PRKN: variants seen among roughly 807,000 people sequenced by gnomAD.
PRKN encodes E3 ubiquitin-protein ligase parkin.
In PRKN, 56 loss-of-function variants were observed where a neutral mutation model predicts 59.5. The observed-to-expected ratio is 0.94, with a 90% CI of 0.76 to 1.18. The LOEUF (loss-of-function observed/expected upper bound fraction) is 1.18, where lower values mean the gene tolerates loss of function less well. PRKN is among the 50% of genes most tolerant of loss of function. The pLI, the probability that PRKN is intolerant of heterozygous loss-of-function variation, is 0.00. For synonymous variants in PRKN, 250 were observed against 222.1 expected (o/e 1.13, Z -1.12); for missense variants, 657 against 596.4 (o/e 1.10, Z -1.06).
At chr6:161,939,285 G>A (rs1233706090) in intron 6 of PRKN, among the ~76,000 whole-genome samples, 1 of 151,802 alleles carries the variant, frequency 6.6e-6, no homozygotes, top group African/African-American at 2.4e-5. Flanking sequence ...GGATGTGGTG[G>A]TGCATGCCCA....
chr6:162,278,293 G>A (rs1243569164), intron 2 of PRKN, among the ~76,000 whole-genome samples: 1 of 152,146 alleles, frequency 6.6e-6, no homozygotes, highest in Non-Finnish European at 1.5e-5. Flanking sequence ...AGGGATGACG[G>A]AGGGATGAAT....
chr6:162,531,082 A>ACAGGC (rs1226176990), intron 1 of PRKN, among the ~76,000 whole-genome samples: 5 of 149,048 alleles, frequency 3.4e-5, no homozygotes, highest in Non-Finnish European at 5.9e-5. Flanking sequence ...AAAAAAATGT[A>ACAGGC]CAGGCCAGGC....
chr6:161,968,470 T>C (rs1215127586), intron 6 of PRKN, among the ~76,000 whole-genome samples: 1 of 152,116 alleles, frequency 6.6e-6, no homozygotes, highest in Non-Finnish European at 1.5e-5. Context: ...GAACTCAGCT[T>C]CCAAGGTGTC....
chr6:161,509,973 C>G (rs1401786309), intron 9 of PRKN, among the ~76,000 whole-genome samples: 16 of 151,816 alleles, frequency 1.1e-4, no homozygotes. Flanking sequence ...GCAGCTCAAC[C>G]CTGTGTGGGC....
chr6:161,571,240 T>C (rs1030504996), intron 7 of PRKN, among the ~76,000 whole-genome samples: 2 of 152,218 alleles, frequency 1.3e-5, no homozygotes, highest in African/African-American at 4.8e-5. Flanking sequence ...CCACTGTAAC[T>C]GGCTTATTTA....
chr6:162,172,417 C>G (rs749077252), intron 4 of PRKN, among the ~76,000 whole-genome samples: 72 of 152,234 alleles, frequency 4.7e-4, no homozygotes, highest in Non-Finnish European at 1.2e-4. Flanking sequence ...GAGCCGCCTG[C>G]TGCCTGTTGC....
chr6:162,548,658 T>A (rs1339696676), intron 1 of PRKN, among the ~76,000 whole-genome samples: 1 of 152,194 alleles, frequency 6.6e-6, no homozygotes, highest in Non-Finnish European at 1.5e-5. Flanking sequence ...TCCTTCCTAT[T>A]TAAGCTAAAA....
chr6:161,490,748 C>A (rs7776070), intron 9 of PRKN, among the ~76,000 whole-genome samples: 4,061 of 152,156 alleles, frequency 0.027, 169 homozygotes, highest in African/African-American at 0.093. Flanking sequence ...CCCACCAAAT[C>A]TCATGTCAAA....
At chr6:162,158,142 A>G (rs1782600299) in intron 4 of PRKN, among the ~76,000 whole-genome samples, 1 of 152,046 alleles carries the variant, frequency 6.6e-6, no homozygotes, top group Non-Finnish European at 1.5e-5. Context: ...GCTGTTAAAT[A>G]ATGAAAATTT....
chr6:162,243,011 A>T (rs1401366915), intron 3 of PRKN, among the ~76,000 whole-genome samples: 5 of 148,954 alleles, frequency 3.4e-5, no homozygotes, highest in East Asian at 3.9e-4. Context: ...TGGTTCCTTA[A>T]AAAAAAAAAA....
At chr6:162,566,621 ACAAGATTAAAG>A (rs902944614) in intron 1 of PRKN, among the ~76,000 whole-genome samples, 67 of 152,270 alleles carry the variant, frequency 4.4e-4, no homozygotes, top group Middle Eastern at 3.4e-3. Flanking sequence ...ATAACAAGTA[ACAAGATTAAAG>A]CCATAATAAA....
At chr6:162,431,821 T>C (rs1301583758) in intron 2 of PRKN, among the ~76,000 whole-genome samples, 3 of 152,230 alleles carry the variant, frequency 2.0e-5, no homozygotes, top group East Asian at 1.9e-4. Context: ...AAATGTATTA[T>C]ATTTTTCAAA....
rs540167152 is a variant in PRKN, at chr6:161,830,342, C to T, written c.735-44434G>A. 6.6e-5 allele frequency among the ~76,000 whole-genome samples: 10 copies of T among 151,934 alleles called. No individual in the cohort carries two copies. In the South Asian group the frequency reaches 1.0e-3, roughly 16 times the overall value. On this transcript the variant is annotated intron_variant, in intron 6 of 11. Transcript: ENST00000366898. ...TCTTGGCTCACTGCAAGCTCCGCCTCCTGGGTTCACGCCATTCTCCTGCCT... is the reference window on the plus strand; with the variant it reads ...TCTTGGCTCACTGCAAGCTCCGCCTTCTGGGTTCACGCCATTCTCCTGCCT...
At chr6:162,355,881 C>G (rs10945815) in intron 2 of PRKN, among the ~76,000 whole-genome samples, 50,632 of 151,930 alleles carry the variant, frequency 0.33, 8,866 homozygotes, top group East Asian at 0.64. Context: ...CTTAACTGAT[C>G]TATTTGACAA....
intron 7 of PRKN, among the ~76,000 whole-genome samples, chr6:161,603,457 T>C (rs1481828892): frequency 6.6e-6 from 1 of 152,246 alleles, no homozygotes; most frequent in Non-Finnish European, 1.5e-5. Flanking sequence ...TTCCCTTCAA[T>C]GACCTGTGGT....
intron 6 of PRKN, among the ~76,000 whole-genome samples, chr6:161,802,893 AAT>A (rs1020868464): frequency 1.3e-5 from 2 of 152,148 alleles, no homozygotes; most frequent in Non-Finnish European, 2.9e-5. Context: ...AGGGTGGCTG[AAT>A]ATGTCACCCC....
chr6:161,415,271 T>A (rs567048672), intron 9 of PRKN, among the ~76,000 whole-genome samples: 2 of 152,124 alleles, frequency 1.3e-5, no homozygotes, highest in Non-Finnish European at 2.9e-5. Context: ...CTTAAACTCA[T>A]TTTATATACG....
chr6:162,234,714 A>T (rs1199148782), intron 3 of PRKN, among the ~76,000 whole-genome samples: 1 of 152,196 alleles, frequency 6.6e-6, no homozygotes, highest in Non-Finnish European at 1.5e-5. Context: ...TTTTCCACCA[A>T]GTATTTTTTA....
intron 9 of PRKN, among the ~76,000 whole-genome samples, chr6:161,509,066 A>T (rs969580359): frequency 7.9e-5 from 12 of 151,538 alleles, no homozygotes; most frequent in African/African-American, 2.7e-4. Context: ...CTAGTCTCGA[A>T]CTCCTGACCT....
Sources: allele counts gnomAD v4.1 joint callset (sites outside exome capture counted in the v4.1 genomes callset), GRCh38; gene constraint gnomAD v4.1.1; transcripts MANE v1.5; gene names NCBI Gene and HGNC (gene_info 2026-07-23, HGNC 2026-07-21).